MARK2: variants seen among roughly 807,000 people sequenced by gnomAD.
MARK2 encodes serine/threonine-protein kinase MARK2.
In MARK2, 16 loss-of-function variants were observed where a neutral mutation model predicts 89.8. That is an observed-to-expected ratio of 0.18 (90% confidence interval 0.12 to 0.27). The LOEUF (loss-of-function observed/expected upper bound fraction) is 0.27, where lower values mean the gene tolerates loss of function less well. MARK2 is among the 10% of genes least tolerant of loss of function. The pLI, the probability that MARK2 is intolerant of heterozygous loss-of-function variation, is 1.00. For missense variants in MARK2, 621 were observed against 1,049.9 expected, an observed-to-expected ratio of 0.59 and a Z score of 5.65; for synonymous variants, 382 against 399.5, an observed-to-expected ratio of 0.96 and a Z score of 0.52.
chr11:63,873,530 C>T (rs2135269709), intron 1 of MARK2, among the ~76,000 whole-genome samples: 1 of 152,326 alleles, frequency 6.6e-6, no homozygotes, highest in Admixed American at 6.5e-5. Flanking sequence ...CCAACCTCCA[C>T]AGCCAGCTGT....
chr11:63,901,718 G>GTA (rs1554985518), intron 11 of MARK2, among the ~76,000 whole-genome samples: 3 of 151,764 alleles, frequency 2.0e-5, no homozygotes, highest in African/African-American at 7.3e-5. Flanking sequence ...GTGTGTGTGT[G>GTA]TGTGTATGTG....
Position 63,904,977 on chromosome 11 carries a change from A to G in MARK2, c.1868A>G (p.His623Arg). 1.9e-6 allele frequency: 3 copies of G among 1,614,158 alleles called. No individual in the cohort carries two copies. Among genetic ancestry groups the G allele is most frequent in the Non-Finnish European group, 1.7e-6 (2 of 1,180,002 alleles). The stretch of plus-strand genomic sequence containing the variant: ...GTGACCCCAGCCTCTCCCTCTGGCC[A>G]CAGCCAGGGCCGGCGGGGGGCCTCT... ...YGVTPASPSG[H>R]SQGRRGASGS... Residue 623 changes from histidine to arginine, a missense_variant, in exon 16 of 19, where the codon CAC becomes CGC. Transcript: ENST00000402010. This position sits in a 1 kb window ranked among gnomAD's most constrained non-coding sequence, Gnocchi z 6.3.
intron 1 of MARK2, among the ~76,000 whole-genome samples, chr11:63,874,828 A>C (rs1238247464): frequency 6.6e-6 from 1 of 152,200 alleles, no homozygotes; most frequent in Admixed American, 6.5e-5. Context: ...TAGAGTGGAG[A>C]TACCAGCAGG....
At chr11:63,844,523 G>A (rs1387034147) in intron 1 of MARK2, among the ~76,000 whole-genome samples, 1 of 152,144 alleles carries the variant, frequency 6.6e-6, no homozygotes, top group Non-Finnish European at 1.5e-5. Context: ...ATGGACTTCG[G>A]AAAGTAGCTA....
intron 1 of MARK2, among the ~76,000 whole-genome samples, chr11:63,865,784 T>C (rs1036191171): frequency 6.6e-6 from 1 of 152,242 alleles, no homozygotes; most frequent in African/African-American, 2.4e-5. Flanking sequence ...TTGTGCTTTT[T>C]CAAGTAAACA....
intron 1 of MARK2, among the ~76,000 whole-genome samples, chr11:63,882,303 G>T (rs1470441257): frequency 6.6e-6 from 1 of 151,880 alleles, no homozygotes; most frequent in Non-Finnish European, 1.5e-5. Context: ...AAAAATATGG[G>T]CCAGGCTTAG....
At chr11:63,886,331 C>T (rs891851610) in intron 1 of MARK2, among the ~76,000 whole-genome samples, 3 of 152,064 alleles carry the variant, frequency 2.0e-5, no homozygotes, top group Non-Finnish European at 4.4e-5. Context: ...ACTCTGTTGC[C>T]CAGGCTTGTC....
intron 1 of MARK2, chr11:63,889,055 G>A (rs1418207096): frequency 3.0e-6 from 3 of 1,010,636 alleles, no homozygotes; most frequent in Admixed American, 2.2e-5. Context: ...TTGCTAAGGG[G>A]CGCCCTGCCT....
In MARK2 at chr11:63,901,473, C is replaced by CTTTTTTTTTTTTT; in HGVS notation, c.1101+414_1101+426dup. Among the ~76,000 whole-genome samples the CTTTTTTTTTTTTT allele has an allele frequency of 3.5e-5, 2 of 57,696 alleles. 1 individual carries two copies. 37.9% of individuals were successfully genotyped at this position (57,696 alleles called of 152,430 possible). A position where few individuals can be genotyped will look rare whatever the true frequency, so the allele number is the denominator to read the frequency against. The stretch of plus-strand genomic sequence containing the variant: ...TCTGATCGGAAGTTTGAGTCTGTTG[C>CTTTTTTTTTTTTT]TTTTTTTTTTTTTTTTTTTTTTGAG... On this transcript the variant is annotated intron_variant, in intron 11 of 18. Coordinates refer to ENST00000402010, the MANE Select transcript of MARK2 (RefSeq NM_001039469.3).
Position 63,904,117 on chromosome 11 carries a change from C to G in MARK2, c.1646C>G (p.Thr549Arg). 1.3e-6 allele frequency: 2 copies of G among 1,596,526 alleles called. No individual in the cohort carries two copies. The highest frequency in any genetic ancestry group is 1.7e-5 in the Admixed American group (1 of 58,438). The change falls in exon 15 of 19, where the codon ACG becomes AGG. Residue 549 changes from threonine to arginine, a missense_variant. By Grantham distance (71) the Thr-to-Arg change is moderately conservative (BLOSUM62 -1). This residue lies in a region of MARK2 where 397 missense variants were observed against 567.8 expected (regional missense o/e 0.70). Coordinates refer to ENST00000402010, the MANE Select transcript of MARK2 (RefSeq NM_001039469.3). This position sits in a 1 kb window ranked among gnomAD's most constrained non-coding sequence, Gnocchi z 6.3. ...HPNKASGLPPTESNCEVPRPS... is the reference protein window; with the variant it reads ...HPNKASGLPPRESNCEVPRPS... ...AACAAGGCCTCTGGGCTGCCCCCCA[C>G]GGAGAGTAACTGTGAGGTGCCGCGG...
At chr11:63,887,162 T>C (rs1939450300) in intron 1 of MARK2, among the ~76,000 whole-genome samples, 1 of 152,174 alleles carries the variant, frequency 6.6e-6, no homozygotes, top group Admixed American at 6.5e-5. Context: ...TCCTAGCTTA[T>C]GGAGGAGGAG....
At chr11:63,875,767 T>TG (rs1014198861) in intron 1 of MARK2, among the ~76,000 whole-genome samples, 7 of 152,300 alleles carry the variant, frequency 4.6e-5, no homozygotes, top group Admixed American at 3.3e-4. Context: ...ACAGTGGCGA[T>TG]GGGGGCCTGG....
intron 2 of MARK2, 26 bp from the exon 3 acceptor site, chr11:63,895,554 T>C (rs775912141): frequency 1.2e-6 from 2 of 1,609,842 alleles, no homozygotes; most frequent in East Asian, 2.2e-5. Flanking sequence ...GAGAAGTGAT[T>C]TGGGGCCTTT....
At position 63,903,852 on chromosome 11, in the gene MARK2, C is replaced by T; in HGVS notation, c.1515-134C>T. Reference sequence around the variant, plus strand: ...TTCCTCAGTTCTGACTTGCATCCCGCTGCTGCCCAGGCCTGACTTCTACCC... The same window carrying T: ...TTCCTCAGTTCTGACTTGCATCCCGTTGCTGCCCAGGCCTGACTTCTACCC... On this transcript the variant is annotated intron_variant, in intron 14 of 18. Transcript: ENST00000402010. This position sits in a 1 kb window ranked among gnomAD's most constrained non-coding sequence, Gnocchi z 5.1. 4.6e-6 allele frequency: 3 copies of T among 657,036 alleles called. No homozygotes were observed. Among genetic ancestry groups the T allele is most frequent in the East Asian group, 5.8e-5 (2 of 34,760 alleles). 40.7% of individuals were successfully genotyped at this position (657,036 alleles called of 1,614,324 possible). A position where few individuals can be genotyped will look rare whatever the true frequency, so the allele number is the denominator to read the frequency against.
intron 1 of MARK2, among the ~76,000 whole-genome samples, chr11:63,859,319 CTT>C (rs533265241): frequency 3.5e-5 from 5 of 141,738 alleles, no homozygotes; most frequent in Non-Finnish European, 4.7e-5. Flanking sequence ...CTGTTTATTT[CTT>C]TTTTTTTTTT....
At chr11:63,871,584 T>G (rs1938456433) in intron 1 of MARK2, among the ~76,000 whole-genome samples, 1 of 148,650 alleles carries the variant, frequency 6.7e-6, no homozygotes, top group African/African-American at 2.5e-5. Context: ...TGAAGAGTAT[T>G]CACTGTGTGC....
Position 63,909,304 on chromosome 11 carries a change from C to A in MARK2, c.*67C>A. 6.9e-7 allele frequency: 1 copy of A among 1,456,574 alleles called. No homozygotes were observed. The highest frequency in any genetic ancestry group is 9.1e-7 in the Non-Finnish European group (1 of 1,097,826). The allele number at this position is 1,456,574 out of a possible 1,614,324, so 90.2% of individuals were successfully genotyped here. A position where few individuals can be genotyped will look rare whatever the true frequency, so the allele number is the denominator to read the frequency against. Reference sequence around the variant, plus strand: ...ACGGGCTGCCGGCCGCTGCGCCGCCCCACCTGGGCGAGACTGCAGCGATGG... The same window carrying A: ...ACGGGCTGCCGGCCGCTGCGCCGCCACACCTGGGCGAGACTGCAGCGATGG... On this transcript the variant is annotated 3_prime_UTR_variant, in exon 19 of 19. Transcript: ENST00000402010.
At chr11:63,860,850 T>TC (rs774853154) in intron 1 of MARK2, among the ~76,000 whole-genome samples, 6 of 151,434 alleles carry the variant, frequency 4.0e-5, no homozygotes, top group Non-Finnish European at 8.8e-5. Flanking sequence ...CGAGTGAGAC[T>TC]CCATCTCAAT....
intron 1 of MARK2, among the ~76,000 whole-genome samples, chr11:63,859,269 C>G (rs781296842): frequency 4.6e-5 from 7 of 150,592 alleles, no homozygotes; most frequent in Non-Finnish European, 8.9e-5. Flanking sequence ...TACTTTGTTT[C>G]TTTTTGTTTC....
Sources: gnomAD v4.1 joint callset for allele counts (sites outside exome capture counted in the v4.1 genomes callset) on GRCh38, gnomAD v4.1.1 for gene constraint, gnomAD v4.1.1 regional missense constraint, Gnocchi (gnomAD v3.1) non-coding constraint, MANE v1.5 for transcripts, NCBI Gene and HGNC (gene_info 2026-07-23, HGNC 2026-07-21) for gene names.